AOAH: variants seen among roughly 807,000 people sequenced by gnomAD.
The protein encoded by AOAH is acyloxyacyl hydrolase.
AOAH carries 64 observed loss-of-function variants against 92.2 expected under a neutral mutation model. That is an observed-to-expected ratio of 0.69 (90% confidence interval 0.57 to 0.86). AOAH has a LOEUF of 0.86. Ranked by LOEUF, AOAH falls within the 40% of genes least tolerant of loss-of-function variation. The probability of loss-of-function intolerance (pLI) is 0.00; values close to 1 mark genes in which losing one functional copy is unlikely to be tolerated. For synonymous variants in AOAH, 263 were observed against 254.5 expected, an observed-to-expected ratio of 1.03 and a Z score of -0.32; for missense variants, 656 against 694.6, an observed-to-expected ratio of 0.94 and a Z score of 0.62.
intron 4 of AOAH, among the ~76,000 whole-genome samples, chr7:36,638,167 C>A (rs559562930): frequency 6.6e-6 from 1 of 152,312 alleles, no homozygotes; most frequent in Admixed American, 6.5e-5. Flanking sequence ...CTGTGAGATA[C>A]GACCATTTCA....
intron 1 of AOAH, among the ~76,000 whole-genome samples, chr7:36,722,904 A>T (rs1799727544): frequency 1.5e-5 from 2 of 133,372 alleles, no homozygotes; most frequent in Non-Finnish European, 3.1e-5. Flanking sequence ...ATTGTACTCC[A>T]GCCCAGGTGA....
rs1430212473 is a variant in AOAH, at chr7:36,718,693, C to T, written c.127+5329G>A. Among the ~76,000 whole-genome samples, 7 of 152,176 alleles carry T rather than the reference C, an allele frequency of 4.6e-5. No homozygotes were observed. In the East Asian group the frequency reaches 1.4e-3, roughly 29 times the overall value. ...AAAACATTATGCTAAGTCAAAGAGG[C>T]CTGTAGCAAAAGGCCATGTTTTATA... On this transcript the variant is annotated intron_variant, in intron 1 of 20. Transcript: ENST00000617537.
intron 6 of AOAH, among the ~76,000 whole-genome samples, chr7:36,627,328 A>G (rs1792742395): frequency 1.3e-5 from 2 of 152,216 alleles, no homozygotes; most frequent in African/African-American, 2.4e-5. Flanking sequence ...AAGGCAAGCA[A>G]TTGGACTGAG....
At chr7:36,562,028 A>T (rs887887942) in intron 13 of AOAH, among the ~76,000 whole-genome samples, 1 of 152,232 alleles carries the variant, frequency 6.6e-6, no homozygotes, top group Non-Finnish European at 1.5e-5. Flanking sequence ...TTTTTATAGT[A>T]GGTGTCCATA....
At chr7:36,704,796 T>C (rs1343393032) in intron 1 of AOAH, among the ~76,000 whole-genome samples, 1 of 152,174 alleles carries the variant, frequency 6.6e-6, no homozygotes, top group Admixed American at 6.5e-5. Flanking sequence ...TTATCCACTA[T>C]GAGCAAGTCA....
intron 1 of AOAH, among the ~76,000 whole-genome samples, chr7:36,705,439 C>G (rs560670308): frequency 6.6e-6 from 1 of 152,138 alleles, no homozygotes; most frequent in African/African-American, 2.4e-5. Context: ...ATGTGAAGAG[C>G]CTCTTCAAGG....
chr7:36,704,727 C>T (rs993575669), intron 1 of AOAH, among the ~76,000 whole-genome samples: 2 of 152,088 alleles, frequency 1.3e-5, no homozygotes, highest in Non-Finnish European at 2.9e-5. Flanking sequence ...TGATGAACAT[C>T]AATGCAAAAA....
At chr7:36,696,067 A>G (rs1426985212) in intron 1 of AOAH, among the ~76,000 whole-genome samples, 1 of 152,188 alleles carries the variant, frequency 6.6e-6, no homozygotes, top group Non-Finnish European at 1.5e-5. Flanking sequence ...ATTATCTGGG[A>G]AACTTGGTTG....
intron 4 of AOAH, 142 bp downstream of exon 4, chr7:36,659,024 C>T (rs1351237294): frequency 1.4e-6 from 1 of 699,702 alleles, no homozygotes; most frequent in Non-Finnish European, 2.6e-6. Flanking sequence ...AATATTATTT[C>T]TTGCGGGGTA....
At chr7:36,618,850 G>C (rs1443427637) in intron 9 of AOAH, among the ~76,000 whole-genome samples, 1 of 152,162 alleles carries the variant, frequency 6.6e-6, no homozygotes, top group Non-Finnish European at 1.5e-5. Flanking sequence ...GCATCTAGTG[G>C]ATAGAGGTCA....
At chr7:36,662,032 C>T (rs1304726504) in intron 3 of AOAH, among the ~76,000 whole-genome samples, 1 of 152,192 alleles carries the variant, frequency 6.6e-6, no homozygotes, top group Admixed American at 6.5e-5. Context: ...AAAATATTAT[C>T]TTGTGACCGC....
intron 20 of AOAH, among the ~76,000 whole-genome samples, chr7:36,517,262 C>CTCTCTCTTTCTTTCTTTCTTTCTT (rs1783832509): frequency 2.3e-5 from 3 of 132,692 alleles, no homozygotes; most frequent in African/African-American, 9.4e-5. Flanking sequence ...CTGTGTCTCT[C>CTCTCTCTTTCTTTCTTTCTTTCTT]TCTTTCTTTC....
intron 16 of AOAH, among the ~76,000 whole-genome samples, chr7:36,533,395 A>G (rs187262507): frequency 2.8e-4 from 42 of 152,310 alleles, no homozygotes; most frequent in Non-Finnish European, 5.6e-4. Context: ...TTAGACTGGA[A>G]GATAGATTCA....
chr7:36,666,693 A>G lies in AOAH; in HGVS notation c.290+7250T>C, dbSNP rs140319571. Among the ~76,000 whole-genome samples the G allele has an allele frequency of 5.9e-3, 896 of 152,192 alleles. 6 individuals carry two copies. Among genetic ancestry groups the G allele is most frequent in the African/African-American group, 0.021 (860 of 41,562 alleles). On this transcript the variant is annotated intron_variant, in intron 3 of 20. Transcript: ENST00000617537. ...TTTTAGGTTTTTATGTTTTTCTAATATAGTCATTCAATGCTACAAATTTCT... is the reference window on the plus strand; with the variant it reads ...TTTTAGGTTTTTATGTTTTTCTAATGTAGTCATTCAATGCTACAAATTTCT...
intron 1 of AOAH, among the ~76,000 whole-genome samples, chr7:36,712,484 A>C (rs529947222): frequency 1.3e-5 from 2 of 152,322 alleles, no homozygotes; most frequent in South Asian, 4.1e-4. Flanking sequence ...TAAATCACCC[A>C]TGTAAAGAAA....
chr7:36,637,292 G>C (rs961755298), intron 5 of AOAH, among the ~76,000 whole-genome samples: 1 of 152,158 alleles, frequency 6.6e-6, no homozygotes, highest in African/African-American at 2.4e-5. Context: ...AACTCTATCA[G>C]TACTGACACT....
At chr7:36,552,791 T>C (rs1308070366) in intron 13 of AOAH, among the ~76,000 whole-genome samples, 1 of 152,204 alleles carries the variant, frequency 6.6e-6, no homozygotes, top group African/African-American at 2.4e-5. Context: ...GTATCCATTG[T>C]TTAGCTCCTA....
intron 7 of AOAH, 38 bp downstream of exon 7, chr7:36,623,152 A>G: frequency 6.6e-7 from 1 of 1,526,248 alleles, no homozygotes; most frequent in East Asian, 2.2e-5. Context: ...AAGCAATGTG[A>G]TGTTAGTGAA....
intron 1 of AOAH, among the ~76,000 whole-genome samples, chr7:36,688,858 T>C (rs1351627493): frequency 2.0e-5 from 3 of 152,170 alleles, no homozygotes; most frequent in African/African-American, 7.2e-5. Context: ...TATATGTATA[T>C]GTGTATCTAT....
Sources: allele counts gnomAD v4.1 joint callset (sites outside exome capture counted in the v4.1 genomes callset), GRCh38; gene constraint gnomAD v4.1.1; transcripts MANE v1.5; gene names NCBI Gene and HGNC (gene_info 2026-07-23, HGNC 2026-07-21).